ARB2A: variants seen among roughly 807,000 people sequenced by gnomAD.
The protein encoded by ARB2A is cotranscriptional regulator ARB2A.
the ARB2A span, among the ~76,000 whole-genome samples, chr5:94,017,678 T>TA: frequency 7.9e-5 from 12 of 152,144 alleles, no homozygotes; most frequent in African/African-American, 2.7e-4. Context: ...ACCTGATGGA[T>TA]AAAAAGAGAC....
chr5:94,043,790 A>T, the ARB2A span, among the ~76,000 whole-genome samples: 1 of 152,242 alleles, frequency 6.6e-6, no homozygotes, highest in African/African-American at 2.4e-5. Flanking sequence ...TCAGCTTTTA[A>T]AAAGTCTTAT....
At chr5:93,896,618 T>G in the ARB2A span, among the ~76,000 whole-genome samples, 1 of 152,064 alleles carries the variant, frequency 6.6e-6, no homozygotes, top group Non-Finnish European at 1.5e-5. Flanking sequence ...AGATGAATGC[T>G]AAGTCTAATA....
chr5:93,725,910 G>C, the ARB2A span, among the ~76,000 whole-genome samples: 1 of 152,016 alleles, frequency 6.6e-6, no homozygotes, highest in Non-Finnish European at 1.5e-5. Context: ...TGGATAAGGG[G>C]GCTCATGTCA....
the ARB2A span, among the ~76,000 whole-genome samples, chr5:93,791,223 T>C: frequency 6.6e-6 from 1 of 152,228 alleles, no homozygotes; most frequent in African/African-American, 2.4e-5. Context: ...AGATTCCAGT[T>C]TGCCCAGAAC....
the ARB2A span, among the ~76,000 whole-genome samples, chr5:93,828,157 C>T: frequency 6.6e-6 from 1 of 152,062 alleles, no homozygotes; most frequent in Non-Finnish European, 1.5e-5. Context: ...ATGGGGATGG[C>T]ATTGAATCTA....
chr5:93,925,581 T>C, the ARB2A span, among the ~76,000 whole-genome samples: 2 of 152,200 alleles, frequency 1.3e-5, no homozygotes, highest in South Asian at 4.1e-4. Context: ...GATTTCCTCA[T>C]AATACTCAGA....
At chr5:93,842,785 C>T in the ARB2A span, among the ~76,000 whole-genome samples, 4 of 152,150 alleles carry the variant, frequency 2.6e-5, no homozygotes, top group African/African-American at 7.2e-5. Context: ...GAAATATTTT[C>T]CCATCTTCCA....
the ARB2A span, chr5:93,805,968 C>T: frequency 2.0e-6 from 2 of 981,038 alleles, no homozygotes; most frequent in Non-Finnish European, 2.4e-6. Flanking sequence ...AAGAGCTCTC[C>T]TCCACTCATG....
chr5:93,661,663 A>G, the ARB2A span, among the ~76,000 whole-genome samples: 5 of 152,220 alleles, frequency 3.3e-5, no homozygotes, highest in Non-Finnish European at 7.3e-5. Flanking sequence ...AGCTAAAAAA[A>G]AAAAATCACA....
the ARB2A span, chr5:93,776,140 T>C: frequency 6.3e-7 from 1 of 1,576,464 alleles, no homozygotes; most frequent in South Asian, 1.2e-5. Flanking sequence ...CAATCATATA[T>C]CTCTCATCAA....
chr5:94,089,444 T>C, the ARB2A span, among the ~76,000 whole-genome samples: 1 of 152,242 alleles, frequency 6.6e-6, no homozygotes, highest in African/African-American at 2.4e-5. Context: ...AGGTACTATT[T>C]TGTCTTTAAA....
chr5:93,943,519 T>A, the ARB2A span, among the ~76,000 whole-genome samples: 1 of 152,158 alleles, frequency 6.6e-6, no homozygotes, highest in African/African-American at 2.4e-5. Context: ...AGCAGCTAGA[T>A]GGCATTACTC....
At chr5:93,665,804 C>G in the ARB2A span, among the ~76,000 whole-genome samples, 1 of 152,152 alleles carries the variant, frequency 6.6e-6, no homozygotes, top group Non-Finnish European at 1.5e-5. Flanking sequence ...CCCTGACCTA[C>G]CGAGCTTTTT....
the ARB2A span, among the ~76,000 whole-genome samples, chr5:94,078,593 T>A: frequency 6.6e-6 from 1 of 152,088 alleles, no homozygotes; most frequent in Non-Finnish European, 1.5e-5. Context: ...GGGCCCCTGG[T>A]GCGTAGAAAA....
At chr5:93,951,441 G>A in the ARB2A span, among the ~76,000 whole-genome samples, 1 of 151,980 alleles carries the variant, frequency 6.6e-6, no homozygotes. Context: ...ATGTTTTCTT[G>A]TAGTAGTTTC....
At chr5:93,854,726 A>ATTCAGGAGCAGGTTG in the ARB2A span, among the ~76,000 whole-genome samples, 74 of 152,310 alleles carry the variant, frequency 4.9e-4, no homozygotes, top group Middle Eastern at 0.01. Context: ...CCCAGTAGTC[A>ATTCAGGAGCAGGTTG]TTCAGGAGCA....
At chr5:93,853,495 T>C in the ARB2A span, among the ~76,000 whole-genome samples, 1 of 152,180 alleles carries the variant, frequency 6.6e-6, no homozygotes, top group Non-Finnish European at 1.5e-5. Flanking sequence ...CAACACTATG[T>C]TGAATAGGAG....
chr5:93,873,827 G>A, the ARB2A span, among the ~76,000 whole-genome samples: 1 of 152,166 alleles, frequency 6.6e-6, no homozygotes, highest in African/African-American at 2.4e-5. Flanking sequence ...CTTTCCCTCA[G>A]GAAGAGTGTG....
the ARB2A span, among the ~76,000 whole-genome samples, chr5:93,889,762 T>C: frequency 2.0e-5 from 3 of 151,784 alleles, no homozygotes; most frequent in South Asian, 2.1e-4. Flanking sequence ...ATGAAACATA[T>C]AAAAATTCAA....
Sources: gnomAD v4.1 joint callset for allele counts (sites outside exome capture counted in the v4.1 genomes callset) on GRCh38, gnomAD v4.1.1 for gene constraint, MANE v1.5 for transcripts, NCBI Gene and HGNC (gene_info 2026-07-23, HGNC 2026-07-21) for gene names.